Variants in EREG observed in about 807,000 individuals in gnomAD.
The protein encoded by EREG is epiregulin.
EREG carries 23 observed loss-of-function variants against 22.4 expected under a neutral mutation model. That is an observed-to-expected ratio of 1.03 (90% CI 0.74 to 1.46). The LOEUF (loss-of-function observed/expected upper bound fraction) is 1.46, where lower values mean the gene tolerates loss of function less well. EREG is among the 40% of genes most tolerant of loss of function. The pLI, the probability that EREG is intolerant of heterozygous loss-of-function variation, is 0.00. For synonymous variants in EREG, 100 were observed against 75.4 expected (o/e 1.33, Z -1.69); for missense variants, 226 against 205.9 (o/e 1.10, Z -0.60).
Position 74,387,311 on chromosome 4 carries a change from C to T in EREG, c.*2503C>T, listed in dbSNP as rs1752585171. 1 of 151,894 alleles carries T rather than the reference C, an allele frequency of 6.6e-6. No homozygotes were observed. The highest frequency in any genetic ancestry group is 1.5e-5 in the Non-Finnish European group (1 of 67,978). 9.4% of individuals were successfully genotyped at this position (151,894 alleles called of 1,614,324 possible). On this transcript the variant is annotated 3_prime_UTR_variant, in exon 5 of 5. Coordinates refer to ENST00000244869, the MANE Select transcript of EREG (RefSeq NM_001432.3). ...GATGTGAGGAGAGTCTGAATATTTTCAGTGATCTTGGCTGTTTCAAAAAAA... is the reference window on the plus strand; with the variant it reads ...GATGTGAGGAGAGTCTGAATATTTTTAGTGATCTTGGCTGTTTCAAAAAAA...
At chr4:74,384,190 T>A (rs1329461358) in intron 4 of EREG, among the ~76,000 whole-genome samples, 1 of 152,166 alleles carries the variant, frequency 6.6e-6, no homozygotes, top group Non-Finnish European at 1.5e-5. Context: ...ACTTTCTTCA[T>A]CTGTAAGATG....
intron 2 of EREG, 77 bp from the exon 3 acceptor site, chr4:74,380,937 T>C: frequency 6.8e-7 from 1 of 1,472,722 alleles, no homozygotes; most frequent in Non-Finnish European, 9.3e-7. Context: ...AGTAGTTCAG[T>C]GGTTACTGTT....
chr4:74,376,237 A>G (rs541601770), intron 1 of EREG, among the ~76,000 whole-genome samples: 2 of 152,338 alleles, frequency 1.3e-5, no homozygotes, highest in Non-Finnish European at 2.9e-5. Flanking sequence ...AGGAAAGGTT[A>G]GGCTTTAGTT....
intron 1 of EREG, among the ~76,000 whole-genome samples, chr4:74,365,591 T>A (rs936881712): frequency 1.3e-5 from 2 of 151,796 alleles, no homozygotes; most frequent in African/African-American, 4.8e-5. Flanking sequence ...ATTGGTGAAT[T>A]AATTATTGGC....
chr4:74,367,248 C>T (rs1752201644), intron 1 of EREG, among the ~76,000 whole-genome samples: 1 of 152,082 alleles, frequency 6.6e-6, no homozygotes, highest in South Asian at 2.1e-4. Context: ...AATATTGAGG[C>T]TCTTGTTTTA....
At chr4:74,383,152 A>G (rs1752507935) in intron 4 of EREG, among the ~76,000 whole-genome samples, 1 of 152,204 alleles carries the variant, frequency 6.6e-6, no homozygotes, top group Non-Finnish European at 1.5e-5. Flanking sequence ...ACATAAGTCA[A>G]ATTGAGAGTA....
At chr4:74,366,037 CT>C (rs1752174778) in intron 1 of EREG, among the ~76,000 whole-genome samples, 1 of 152,088 alleles carries the variant, frequency 6.6e-6, no homozygotes, top group South Asian at 2.1e-4. Flanking sequence ...CCCAAGCAGC[CT>C]CTGGAGCAAG....
chr4:74,379,931 C>G (rs938180450), intron 2 of EREG, among the ~76,000 whole-genome samples: 4 of 152,188 alleles, frequency 2.6e-5, no homozygotes, highest in Non-Finnish European at 5.9e-5. Context: ...CTCTCTCTCT[C>G]TTTGTAAGAA....
At chr4:74,376,124 TAAC>T (rs1752378879) in intron 1 of EREG, among the ~76,000 whole-genome samples, 1 of 152,082 alleles carries the variant, frequency 6.6e-6, no homozygotes, top group Admixed American at 6.5e-5. Flanking sequence ...GTGGAAAAAC[TAAC>T]AACTACTAAA....
At chr4:74,379,169 A>C (rs969911024) in intron 1 of EREG, among the ~76,000 whole-genome samples, 1 of 152,230 alleles carries the variant, frequency 6.6e-6, no homozygotes, top group Admixed American at 6.5e-5. Flanking sequence ...ATCAAACTTC[A>C]AAATCAAATC....
intron 3 of EREG, 123 bp downstream of exon 3, chr4:74,381,260 T>A: frequency 1.3e-6 from 1 of 795,292 alleles, no homozygotes; most frequent in Non-Finnish European, 2.0e-6. Flanking sequence ...TTAGAGTACC[T>A]ACCCCTCAAA....
intron 1 of EREG, among the ~76,000 whole-genome samples, chr4:74,371,791 C>T (rs1752294630): frequency 6.6e-6 from 1 of 151,902 alleles, no homozygotes; most frequent in African/African-American, 2.4e-5. Context: ...TGCCTTCATG[C>T]CCAAATGCCA....
At chr4:74,375,306 CTTTTTTTTT>C (rs71219383) in intron 1 of EREG, among the ~76,000 whole-genome samples, 4 of 61,052 alleles carry the variant, frequency 6.6e-5, no homozygotes, top group Admixed American at 2.9e-4. Context: ...ACTAGCGATT[CTTTTTTTTT>C]TTTTTTTTTT....
intron 4 of EREG, among the ~76,000 whole-genome samples, chr4:74,383,053 G>A (rs993482002): frequency 1.3e-5 from 2 of 152,144 alleles, no homozygotes; most frequent in African/African-American, 4.8e-5. Flanking sequence ...GAAATAACTT[G>A]AAATTATTTT....
At chr4:74,381,644 G>C (rs909785447) in intron 3 of EREG, 1 of 151,984 alleles carries the variant, frequency 6.6e-6, no homozygotes, top group Non-Finnish European at 1.5e-5. Flanking sequence ...CTCTGCTTTG[G>C]ATCTTTTCCT....
Position 74,379,478 on chromosome 4 carries a change from CAACT to C in EREG, c.99_102del (p.Thr34Ter). On this transcript the variant is annotated frameshift_variant, in exon 2 of 5. Transcript: ENST00000244869. LOFTEE classifies it high-confidence loss of function. ...CATCTTCTACAGGCAGTCCTCAGTA[CAACT>C]GTGATTCCATCATGTATCCCAGGAG... The C allele has an allele frequency of 1.2e-6, 2 of 1,611,702 alleles. No individual in the cohort carries two copies. The highest frequency in any genetic ancestry group is 8.5e-7 in the Non-Finnish European group (1 of 1,177,900).
At position 74,383,032 on chromosome 4, in the gene EREG, C is replaced by A. The variant is rs1473094240; in HGVS notation, c.428+238C>A. On this transcript the variant is annotated intron_variant, in intron 4 of 4. Coordinates refer to ENST00000244869, the MANE Select transcript of EREG (RefSeq NM_001432.3). The stretch of plus-strand genomic sequence containing the variant: ...TCCTGTTAAGAAACCTGCATGTGTA[C>A]CCCCGAATCTGAAATAACTTGAAAT... Among the ~76,000 whole-genome samples, 5 of 152,120 alleles carry A rather than the reference C, an allele frequency of 3.3e-5. 1 individual carries two copies. The highest frequency in any genetic ancestry group is 7.3e-5 in the Non-Finnish European group (5 of 68,030).
chr4:74,376,008 G>A (rs562145955), intron 1 of EREG, among the ~76,000 whole-genome samples: 13 of 152,262 alleles, frequency 8.5e-5, no homozygotes, highest in Admixed American at 3.3e-4. Context: ...TCACGAGTAA[G>A]GAAAGTCCAG....
At chr4:74,379,297 C>A in intron 1 of EREG, 151 bp from the exon 2 acceptor site, 2 of 531,492 alleles carry the variant, frequency 3.8e-6, no homozygotes, top group Non-Finnish European at 6.9e-6. Context: ...CTGTTACATG[C>A]CTGTTTCCAT....
Sources: gnomAD v4.1 joint callset for allele counts (sites outside exome capture counted in the v4.1 genomes callset) on GRCh38, gnomAD v4.1.1 for gene constraint, MANE v1.5 for transcripts, NCBI Gene and HGNC (gene_info 2026-07-23, HGNC 2026-07-21) for gene names.